Variants in DNAH11 observed in about 807,000 individuals in gnomAD.
DNAH11 encodes the protein dynein axonemal heavy chain 11, also known as axonemal beta dynein heavy chain 11.
DNAH11 carries 442 observed loss-of-function variants against 526.0 expected under a neutral mutation model. That is an observed-to-expected ratio of 0.84 (90% CI 0.78 to 0.91). DNAH11 has a LOEUF of 0.91. Among genes scored for constraint, DNAH11 ranks in the 40% least tolerant of loss-of-function variants. The pLI is 0.00. For synonymous variants in DNAH11, 2,461 were observed against 1,935.9 expected, an observed-to-expected ratio of 1.27 and a Z score of -7.12; for missense variants, 6,989 against 5,448.7, an observed-to-expected ratio of 1.28 and a Z score of -8.90.
intron 18 of DNAH11, among the ~76,000 whole-genome samples, chr7:21,604,540 C>T (rs1785211805): frequency 6.6e-6 from 1 of 152,164 alleles, no homozygotes; most frequent in African/African-American, 2.4e-5. Context: ...CGTCATACCT[C>T]AAGGGATCTC....
Position 21,780,557 on chromosome 7 carries a change from TAAAATA to T in DNAH11, c.9483+1454_9483+1459del, listed in dbSNP as rs576469035. On this transcript the variant is annotated intron_variant, in intron 57 of 81. Transcript: ENST00000409508. ...TCATCACAGATACTTTTTGGAAACT[TAAAATA>T]TAAATACTCTAGAGATTTTTTTTTG... is the stretch of plus-strand genomic sequence containing the variant. Among the ~76,000 whole-genome samples, 710 of 152,208 alleles carry T rather than the reference TAAAATA, an allele frequency of 4.7e-3. 6 individuals carry two copies. Among genetic ancestry groups the T allele is most frequent in the African/African-American group, 0.017 (688 of 41,542 alleles).
chr7:21,714,459 A>AT (rs959798432), intron 42 of DNAH11, among the ~76,000 whole-genome samples: 6 of 152,106 alleles, frequency 3.9e-5, no homozygotes, highest in African/African-American at 1.4e-4. Flanking sequence ...AATAAAGGGT[A>AT]TTTTTTCCTC....
intron 44 of DNAH11, among the ~76,000 whole-genome samples, chr7:21,724,624 G>C (rs1161341540): frequency 6.6e-6 from 1 of 150,708 alleles, no homozygotes; most frequent in Non-Finnish European, 1.5e-5. Context: ...TACAGAGCCA[G>C]GTCATCGTAT....
intron 32 of DNAH11, among the ~76,000 whole-genome samples, chr7:21,685,796 G>A (rs1267617087): frequency 1.3e-5 from 2 of 152,190 alleles, no homozygotes; most frequent in African/African-American, 4.8e-5. Flanking sequence ...GTTTCCACAT[G>A]TGTTTTAGCC....
intron 28 of DNAH11, among the ~76,000 whole-genome samples, chr7:21,652,740 T>C (rs1046720034): frequency 1.3e-5 from 2 of 152,214 alleles, no homozygotes; most frequent in Non-Finnish European, 2.9e-5. Context: ...TATTCAATTT[T>C]TGTACTAATC....
At chr7:21,758,250 G>A (rs918672484) in intron 54 of DNAH11, among the ~76,000 whole-genome samples, 1 of 152,172 alleles carries the variant, frequency 6.6e-6, no homozygotes, top group Non-Finnish European at 1.5e-5. Context: ...TTTGACATAA[G>A]TAGAATGAAA....
intron 42 of DNAH11, among the ~76,000 whole-genome samples, chr7:21,715,380 C>T (rs17274454): frequency 1.3e-5 from 2 of 152,182 alleles, no homozygotes; most frequent in African/African-American, 4.8e-5. Context: ...TAGGAGGACT[C>T]ATTTGCAAAT....
intron 65 of DNAH11, among the ~76,000 whole-genome samples, chr7:21,819,579 T>C (rs983223012): frequency 3.9e-5 from 6 of 152,210 alleles, no homozygotes; most frequent in East Asian, 3.8e-4. Context: ...TCTGACTCTA[T>C]TATGAAGACT....
At chr7:21,705,289 C>T (rs1048006805) in intron 38 of DNAH11, among the ~76,000 whole-genome samples, 171 bp from the exon 39 acceptor site, 2 of 152,116 alleles carry the variant, frequency 1.3e-5, no homozygotes, top group African/African-American at 4.8e-5. Context: ...ATGGGAGATC[C>T]AGGAAAAACT....
At chr7:21,698,681 T>C (rs1360040288) in intron 36 of DNAH11, among the ~76,000 whole-genome samples, 1 of 152,202 alleles carries the variant, frequency 6.6e-6, no homozygotes, top group East Asian at 1.9e-4. Context: ...TATTCCATGG[T>C]GTATATATAC....
intron 63 of DNAH11, among the ~76,000 whole-genome samples, chr7:21,811,397 A>G (rs576915434): frequency 6.6e-6 from 1 of 151,960 alleles, no homozygotes; most frequent in East Asian, 1.9e-4. Context: ...CGGAAGTTGC[A>G]GTGAGCCGAG....
chr7:21,782,968 T>C (rs1788016437), intron 57 of DNAH11, among the ~76,000 whole-genome samples: 1 of 151,128 alleles, frequency 6.6e-6, no homozygotes, highest in Non-Finnish European at 1.5e-5. Flanking sequence ...TAAGGTTTTA[T>C]CCAGTACCAA....
In DNAH11 at chr7:21,894,609, G is replaced by A; in HGVS notation, c.12751-14G>A. Reference sequence around the variant, plus strand: ...AAATAGAAAGGAGCTAAATCTTTGTGTTACTGATTTAAGGTTAAGAATGTC... The same window carrying A: ...AAATAGAAAGGAGCTAAATCTTTGTATTACTGATTTAAGGTTAAGAATGTC... On this transcript the variant is annotated splice_polypyrimidine_tract_variant and intron_variant, in intron 77 of 81. Transcript: ENST00000409508. 3 of 1,611,326 alleles carry A rather than the reference G, an allele frequency of 1.9e-6. No homozygotes were observed. The highest frequency in any genetic ancestry group is 1.1e-5 in the South Asian group (1 of 90,378).
chr7:21,755,930 T>C (rs1435144019), intron 54 of DNAH11, among the ~76,000 whole-genome samples: 1 of 152,174 alleles, frequency 6.6e-6, no homozygotes, highest in East Asian at 1.9e-4. Context: ...TTCTTATTGT[T>C]GGTTATAGGA....
At chr7:21,637,025 G>T (rs888195158) in intron 26 of DNAH11, among the ~76,000 whole-genome samples, 7 of 152,128 alleles carry the variant, frequency 4.6e-5, no homozygotes, top group African/African-American at 1.7e-4. Flanking sequence ...CATAAAAATT[G>T]AGATTAAAAG....
chr7:21,707,818 A>G lies in DNAH11; in HGVS notation c.6666A>G (p.Arg2222=). The change falls in exon 40 of 82, where the codon CGA becomes CGG. Residue 2222 remains arginine (R), a synonymous_variant. Transcript: ENST00000409508. ...ELFGFIHHAT[R]EWKDGKIVYS... Reference sequence around the variant, plus strand: ...TTGGTTTCATACATCATGCTACCCGAGAATGGAAAGATGGCAAGTAGTATT... The same window carrying G: ...TTGGTTTCATACATCATGCTACCCGGGAATGGAAAGATGGCAAGTAGTATT... The G allele has an allele frequency of 4.4e-6, 7 of 1,597,860 alleles. No individual in the cohort carries two copies. Among genetic ancestry groups the G allele is most frequent in the Non-Finnish European group, 6.0e-6 (7 of 1,173,532 alleles).
chr7:21,574,414 C>A lies in DNAH11; in HGVS notation c.1593+2441C>A, dbSNP rs140949701. Among the ~76,000 whole-genome samples the A allele has an allele frequency of 5.1e-3, 782 of 152,210 alleles. 7 individuals carry two copies. The highest frequency in any genetic ancestry group is 8.5e-3 in the Non-Finnish European group (581 of 68,012). On this transcript the variant is annotated intron_variant, in intron 8 of 81. Transcript: ENST00000409508. The stretch of plus-strand genomic sequence containing the variant: ...ATACCTGCTTAATTTTCACTATAAC[C>A]CAGAGAGTGGTCCCGCAGGCAAATG...
At chr7:21,749,918 G>A (rs925529608) in intron 53 of DNAH11, 117 bp downstream of exon 53, 14 of 1,490,364 alleles carry the variant, frequency 9.4e-6, no homozygotes, top group African/African-American at 1.4e-5. Context: ...CAGTCTTTGG[G>A]GAGAAACCTA....
rs758299855 is a variant in DNAH11, at chr7:21,558,961, G to A, written c.655G>A (p.Gly219Arg). The A allele has an allele frequency of 6.3e-7, 1 of 1,590,790 alleles. No homozygotes were observed. The highest frequency in any genetic ancestry group is 1.3e-5 in the African/African-American group (1 of 74,678). The change falls in exon 3 of 82, where the codon GGA becomes AGA. Residue 219 changes from glycine to arginine, a missense_variant. By Grantham distance (125) the Gly-to-Arg change is moderately radical (BLOSUM62 -2). Coordinates refer to ENST00000409508, the MANE Select transcript of DNAH11 (RefSeq NM_001277115.2). The stretch of plus-strand genomic sequence containing the variant: ...TCTTCTACCAATTCCCACTGTTGCA[G>A]GAAAGATGGATCTGGATCAGAATTG... ...RTLLPIPTVA[G>R]KMDLDQNCSE...
Sources: gnomAD v4.1 joint callset for allele counts (sites outside exome capture counted in the v4.1 genomes callset) on GRCh38, gnomAD v4.1.1 for gene constraint, MANE v1.5 for transcripts, NCBI Gene and HGNC (gene_info 2026-07-23, HGNC 2026-07-21) for gene names.